Variants in SMG6 observed in about 807,000 individuals in gnomAD.
SMG6 encodes the protein SMG6 nonsense mediated mRNA decay factor.
In SMG6, 66 loss-of-function variants were observed where a neutral mutation model predicts 142.2. The ratio of observed to expected loss-of-function variants is 0.46; its 90% confidence interval spans 0.38 to 0.57. SMG6 has a LOEUF of 0.57. Ranked by LOEUF, SMG6 falls within the 20% of genes least tolerant of loss-of-function variation. SMG6 has a pLI of 0.00. For synonymous variants in SMG6, 779 were observed against 702.4 expected, an observed-to-expected ratio of 1.11 and a Z score of -1.72; for missense variants, 1,793 against 1,832.0, an observed-to-expected ratio of 0.98 and a Z score of 0.39.
At chr17:2,155,422 T>C (rs1266248148) in intron 13 of SMG6, among the ~76,000 whole-genome samples, 3 of 152,136 alleles carry the variant, frequency 2.0e-5, no homozygotes, top group Admixed American at 6.6e-5. Flanking sequence ...CATGTGAAAA[T>C]AAAGTTTCTC....
intron 13 of SMG6, chr17:2,094,825 A>G (rs1292622100): frequency 6.6e-6 from 1 of 152,228 alleles, no homozygotes; most frequent in Non-Finnish European, 1.5e-5. Context: ...AAAGCCAGAT[A>G]GGAGTCTGGT....
At chr17:2,265,996 G>C (rs536289379) in intron 8 of SMG6, 1 of 985,286 alleles carries the variant, frequency 1.0e-6, no homozygotes, top group African/African-American at 1.7e-5. Context: ...GTGCATTTCA[G>C]GTGCTTTAGG....
intron 13 of SMG6, among the ~76,000 whole-genome samples, chr17:2,095,837 C>G (rs189404910): frequency 4.1e-5 from 6 of 147,944 alleles, no homozygotes; most frequent in Admixed American, 3.4e-4. Context: ...TGCAAACCCT[C>G]GCCCACCCAC....
intron 13 of SMG6, among the ~76,000 whole-genome samples, chr17:2,104,496 A>G (rs2069100056): frequency 6.6e-6 from 1 of 152,138 alleles, no homozygotes; most frequent in Admixed American, 6.6e-5. Flanking sequence ...AAAGTTCTAG[A>G]AAGAAAAACC....
intron 8 of SMG6, among the ~76,000 whole-genome samples, chr17:2,277,059 G>C (rs568080181): frequency 1.3e-5 from 2 of 152,274 alleles, no homozygotes; most frequent in South Asian, 2.1e-4. Flanking sequence ...GGGATTACAG[G>C]CATGAGCCAC....
At chr17:2,187,142 G>A (rs1313634496) in intron 11 of SMG6, among the ~76,000 whole-genome samples, 1 of 152,190 alleles carries the variant, frequency 6.6e-6, no homozygotes, top group Non-Finnish European at 1.5e-5. Context: ...TGGCACCAGA[G>A]TTCTTGCCAA....
Position 2,061,406 on chromosome 17 carries a change from G to T in SMG6, c.*86C>A. On this transcript the variant is annotated 3_prime_UTR_variant, in exon 19 of 19. Coordinates refer to ENST00000263073, the MANE Select transcript of SMG6 (RefSeq NM_017575.5). ...TTGTCTGGGTGGATTGGTGGCTCAG[G>T]CACGTGGGCATCTTCCGTGCTACAC... The T allele has an allele frequency of 7.5e-7, 1 of 1,332,968 alleles. No homozygotes were observed. Among genetic ancestry groups the T allele is most frequent in the Non-Finnish European group, 1.0e-6 (1 of 978,096 alleles). The allele number at this position is 1,332,968 out of a possible 1,614,324, so 82.6% of individuals were successfully genotyped here.
chr17:2,062,336 C>T (rs887699030), intron 18 of SMG6: 11 of 152,352 alleles, frequency 7.2e-5, no homozygotes, highest in Non-Finnish European at 1.3e-4. Context: ...CAGGGAAGAC[C>T]TGTGTATCCT....
intron 13 of SMG6, among the ~76,000 whole-genome samples, chr17:2,167,131 CAAAAAAA>C (rs57898779): frequency 8.4e-5 from 3 of 35,716 alleles, no homozygotes; most frequent in African/African-American, 4.6e-4. Flanking sequence ...GACTCCATCT[CAAAAAAA>C]AAAAAAAAAA....
At chr17:2,087,696 T>G (rs1268648542) in intron 13 of SMG6, 14 of 987,522 alleles carry the variant, frequency 1.4e-5, no homozygotes, top group Non-Finnish European at 1.7e-5. Flanking sequence ...AAACATGTGA[T>G]GAGGAAGGCT....
At chr17:2,074,702 C>T (rs935694448) in intron 15 of SMG6, among the ~76,000 whole-genome samples, 3 of 152,218 alleles carry the variant, frequency 2.0e-5, no homozygotes, top group South Asian at 2.1e-4. Flanking sequence ...CCTCCCATAC[C>T]GCCTGTTGTA....
chr17:2,064,804 G>A (rs978081988), intron 18 of SMG6, among the ~76,000 whole-genome samples: 1 of 152,004 alleles, frequency 6.6e-6, no homozygotes, highest in Non-Finnish European at 1.5e-5. Flanking sequence ...GAAAGGAAAC[G>A]GATGCATGCG....
intron 10 of SMG6, among the ~76,000 whole-genome samples, chr17:2,223,721 C>T (rs557832235): frequency 6.6e-6 from 1 of 152,118 alleles, no homozygotes; most frequent in Non-Finnish European, 1.5e-5. Context: ...CCCAATTAGC[C>T]CTCTAAGTGA....
rs147228226 is a variant in SMG6, at chr17:2,169,163, G to A, written c.3357+3495C>T. On this transcript the variant is annotated intron_variant, in intron 13 of 18. Coordinates refer to ENST00000263073, the MANE Select transcript of SMG6 (RefSeq NM_017575.5). ...GCGTGCCTGTAATCCCAGCTACTCG[G>A]GAGGCTGAGGCAACAGAATCGCTTG... 2.4e-3 allele frequency among the ~76,000 whole-genome samples: 367 copies of A among 152,008 alleles called. 1 individual carries two copies. Among genetic ancestry groups the A allele is most frequent in the African/African-American group, 8.1e-3 (336 of 41,524 alleles).
intron 12 of SMG6, among the ~76,000 whole-genome samples, chr17:2,184,655 C>T (rs1471370255): frequency 1.2e-5 from 1 of 83,450 alleles, no homozygotes; most frequent in Non-Finnish European, 2.1e-5. Context: ...AAAACTCCGT[C>T]TCAAAAAAAA....
intron 1 of SMG6, chr17:2,302,996 A>G (rs1284368656): frequency 1.0e-6 from 1 of 985,372 alleles, no homozygotes; most frequent in African/African-American, 1.7e-5. Flanking sequence ...GAGGTGAGAC[A>G]CTTAGAATCT....
intron 15 of SMG6, among the ~76,000 whole-genome samples, chr17:2,080,522 C>T (rs571558295): frequency 6.7e-4 from 102 of 152,324 alleles, no homozygotes; most frequent in Non-Finnish European, 1.2e-3. Flanking sequence ...CAAAGGTGGC[C>T]GTTCATGGAG....
intron 13 of SMG6, among the ~76,000 whole-genome samples, chr17:2,134,172 C>T (rs2070213710): frequency 6.6e-6 from 1 of 151,896 alleles, no homozygotes; most frequent in Non-Finnish European, 1.5e-5. Context: ...TGATAATGCC[C>T]ACTTTGGGAG....
At chr17:2,302,146 G>C (rs896249234) in intron 1 of SMG6, among the ~76,000 whole-genome samples, 3 of 152,262 alleles carry the variant, frequency 2.0e-5, no homozygotes, top group African/African-American at 4.8e-5. Flanking sequence ...CCAGCTACTC[G>C]GAAGGCTGAG....
Sources: allele counts gnomAD v4.1 joint callset (sites outside exome capture counted in the v4.1 genomes callset), GRCh38; gene constraint gnomAD v4.1.1; transcripts MANE v1.5; gene names NCBI Gene and HGNC (gene_info 2026-07-23, HGNC 2026-07-21).